Variants in WWOX observed in about 807,000 individuals in gnomAD.
WWOX encodes WW domain-containing oxidoreductase.
A neutral mutation model predicts 46.2 loss-of-function variants in WWOX; 69 were observed. That is an observed-to-expected ratio of 1.49 (90% CI 1.23 to 1.82). The LOEUF (loss-of-function observed/expected upper bound fraction) is 1.82. WWOX is among the 40% of genes most tolerant of loss of function. WWOX has a pLI of 0.00. For missense variants in WWOX, 919 were observed against 542.6 expected (o/e 1.69, Z -6.89); for synonymous variants, 359 against 202.6 (o/e 1.77, Z -6.56).
At chr16:78,962,320 TTTTTTTAAAA>T (rs1293318602) in intron 8 of WWOX, among the ~76,000 whole-genome samples, 217 of 93,014 alleles carry the variant, frequency 2.3e-3, no homozygotes, top group African/African-American at 9.9e-3. Flanking sequence ...TTTTTTTTTT[TTTTTTTAAAA>T]AAAAAAAAAA....
chr16:78,369,779 A>G (rs2081625163), intron 5 of WWOX, among the ~76,000 whole-genome samples: 1 of 152,136 alleles, frequency 6.6e-6, no homozygotes, highest in Non-Finnish European at 1.5e-5. Context: ...AGTTGTGTAT[A>G]GTAATGTGTA....
intron 8 of WWOX, among the ~76,000 whole-genome samples, chr16:78,798,631 A>C (rs55878153): frequency 6.7e-6 from 1 of 149,524 alleles, no homozygotes; most frequent in African/African-American, 2.5e-5. Flanking sequence ...TGATCTTTCC[A>C]TATAGGTTTT....
At position 78,182,395 on chromosome 16, in the gene WWOX, G is replaced by C. The variant is rs114440377; in HGVS notation, c.516+18106G>C. Among the ~76,000 whole-genome samples, 155 of 152,088 alleles carry C rather than the reference G, an allele frequency of 1.0e-3. 1 individual carries two copies. Among genetic ancestry groups the C allele is most frequent in the African/African-American group, 3.7e-3 (152 of 41,492 alleles). ...TTCCAACCATATCAAACTCACTGCT[G>C]TTGCTAAACCTTCCTGTCTCTCTGC... is the stretch of plus-strand genomic sequence containing the variant. On this transcript the variant is annotated intron_variant, in intron 5 of 8. Transcript: ENST00000566780.
chr16:78,578,967 AACC>A (rs2044976982), intron 8 of WWOX, among the ~76,000 whole-genome samples: 1 of 152,184 alleles, frequency 6.6e-6, no homozygotes, highest in African/African-American at 2.4e-5. Flanking sequence ...GCTTTTCAGA[AACC>A]ACCACCACAA....
At chr16:78,477,684 T>G (rs1457191008) in intron 8 of WWOX, among the ~76,000 whole-genome samples, 1 of 152,186 alleles carries the variant, frequency 6.6e-6, no homozygotes, top group Non-Finnish European at 1.5e-5. Context: ...GCCTATAAAC[T>G]GAAATGGCAA....
chr16:78,659,734 G>A (rs1032664217), intron 8 of WWOX, among the ~76,000 whole-genome samples: 1 of 152,060 alleles, frequency 6.6e-6, no homozygotes, highest in African/African-American at 2.4e-5. Flanking sequence ...AAATGACAAT[G>A]TTCATATATT....
At chr16:79,142,578 A>G (rs2050110693) in intron 8 of WWOX, among the ~76,000 whole-genome samples, 4 of 152,208 alleles carry the variant, frequency 2.6e-5, no homozygotes, top group African/African-American at 9.6e-5. Flanking sequence ...AGAATTTTCA[A>G]TTTCAGTTGT....
In WWOX at chr16:78,536,428, C is replaced by T. The variant is rs575812446; in HGVS notation, c.1056+103676C>T. 8.0e-4 allele frequency among the ~76,000 whole-genome samples: 121 copies of T among 151,688 alleles called. 1 individual carries two copies. In the Middle Eastern group the frequency reaches 0.01, roughly 13 times the overall value. ...CCCCGGGGTCCTGTGAGGGACTGGCCGACAAGGCAGGCTGAATGCAGCCTT... is the reference window on the plus strand; with the variant it reads ...CCCCGGGGTCCTGTGAGGGACTGGCTGACAAGGCAGGCTGAATGCAGCCTT... On this transcript the variant is annotated intron_variant, in intron 8 of 8. Transcript: ENST00000566780.
chr16:78,735,485 G>C (rs2049069055), intron 8 of WWOX, among the ~76,000 whole-genome samples: 1 of 151,728 alleles, frequency 6.6e-6, no homozygotes, highest in South Asian at 2.1e-4. Context: ...ATCCTGTTTT[G>C]ACGTGCTTGA....
chr16:78,665,534 A>G lies in WWOX; in HGVS notation c.1056+232782A>G, dbSNP rs147130892. On this transcript the variant is annotated intron_variant, in intron 8 of 8. Transcript: ENST00000566780. Reference sequence around the variant, plus strand: ...GTCTCCTTGAGGCAGAAACTTTAACAGATTCCAGCCTGCTGCATCATAATC... The same window carrying G: ...GTCTCCTTGAGGCAGAAACTTTAACGGATTCCAGCCTGCTGCATCATAATC... Among the ~76,000 whole-genome samples the G allele has an allele frequency of 1.3e-3, 194 of 152,242 alleles. 1 individual carries two copies. In the East Asian group the frequency reaches 0.033, roughly 26 times the overall value.
chr16:78,829,045 ACAT>A (rs1304476307), intron 8 of WWOX, among the ~76,000 whole-genome samples: 3 of 152,246 alleles, frequency 2.0e-5, no homozygotes, highest in Non-Finnish European at 4.4e-5. Flanking sequence ...TAAATTCTAA[ACAT>A]CATAAGCAGA....
intron 8 of WWOX, among the ~76,000 whole-genome samples, chr16:79,082,348 C>T (rs898898118): frequency 6.6e-6 from 1 of 152,176 alleles, no homozygotes. Context: ...GAGCATCCAT[C>T]TCCTTTGTAA....
Position 78,680,010 on chromosome 16 carries a change from C to T in WWOX, c.1056+247258C>T, listed in dbSNP as rs543526600. The stretch of plus-strand genomic sequence containing the variant: ...CTACCACTAACTGACTCCATGCGCT[C>T]CTATCGGTTCTTTATTTTACCTCTG... On this transcript the variant is annotated intron_variant, in intron 8 of 8. Transcript: ENST00000566780. 1.2e-4 allele frequency among the ~76,000 whole-genome samples: 18 copies of T among 152,354 alleles called. No individual in the cohort carries two copies. In the South Asian group the frequency reaches 3.3e-3, roughly 28 times the overall value.
Position 79,125,838 on chromosome 16 carries a change from G to T in WWOX, c.1057-85770G>T, listed in dbSNP as rs141540957. 1.9e-3 allele frequency among the ~76,000 whole-genome samples: 289 copies of T among 152,278 alleles called. 6 individuals are homozygous for T. In the East Asian group the frequency reaches 0.049, roughly 26 times the overall value. ...CTTTGAGCAAACAATTAGCATTTTT[G>T]CCATAGCTTTTTACTTCTCCATGTT... On this transcript the variant is annotated intron_variant, in intron 8 of 8. Coordinates refer to ENST00000566780, the MANE Select transcript of WWOX (RefSeq NM_016373.4).
intron 8 of WWOX, among the ~76,000 whole-genome samples, chr16:78,467,036 T>C (rs1417341838): frequency 2.0e-5 from 3 of 152,168 alleles, no homozygotes; most frequent in African/African-American, 7.2e-5. Context: ...GTACCTTATC[T>C]CTTGACCATG....
chr16:78,443,159 G>C lies in WWOX; in HGVS notation c.1056+10407G>C, dbSNP rs1282153667. On this transcript the variant is annotated intron_variant, in intron 8 of 8. Transcript: ENST00000566780. ...TCAAAAAAAAAAAAAAAAAAAAAAG[G>C]CTGTGTGTGGTGACTCGTGTCTATT... 2.2e-5 allele frequency among the ~76,000 whole-genome samples: 3 copies of C among 136,460 alleles called. No individual in the cohort carries two copies. In the South Asian group the frequency reaches 6.9e-4, roughly 32 times the overall value. 89.5% of individuals were successfully genotyped at this position (136,460 alleles called of 152,430 possible).
At chr16:78,912,855 G>T (rs2045147172) in intron 8 of WWOX, among the ~76,000 whole-genome samples, 1 of 151,930 alleles carries the variant, frequency 6.6e-6, no homozygotes, top group Non-Finnish European at 1.5e-5. Context: ...TATTATCATT[G>T]GTTAGATGCC....
At chr16:78,692,750 G>A (rs1394421866) in intron 8 of WWOX, among the ~76,000 whole-genome samples, 10 of 152,312 alleles carry the variant, frequency 6.6e-5, no homozygotes, top group Non-Finnish European at 1.5e-4. Flanking sequence ...TTAAACTGGG[G>A]TATGAGTGGC....
At chr16:79,152,429 T>A (rs2050298880) in intron 8 of WWOX, among the ~76,000 whole-genome samples, 1 of 152,134 alleles carries the variant, frequency 6.6e-6, no homozygotes, top group Non-Finnish European at 1.5e-5. Flanking sequence ...CCCAGCACTT[T>A]GGGACGATGA....
Sources: gnomAD v4.1 joint callset for allele counts (sites outside exome capture counted in the v4.1 genomes callset) on GRCh38, gnomAD v4.1.1 for gene constraint, MANE v1.5 for transcripts, NCBI Gene and HGNC (gene_info 2026-07-23, HGNC 2026-07-21) for gene names.